The following RSF1 variants were observed in gnomAD, a reference collection of about 807,000 sequenced individuals.
RSF1 encodes HBV pX-associated protein 8.
In RSF1, 13 loss-of-function variants were observed where a neutral mutation model predicts 145.2. The ratio of observed to expected loss-of-function variants is 0.09; its 90% CI spans 0.06 to 0.14. The LOEUF is 0.14. RSF1 is among the 10% of genes least tolerant of loss of function. RSF1 has a pLI of 1.00. For missense variants in RSF1, 1,517 were observed against 1,718.2 expected (o/e 0.88, Z 2.07); for synonymous variants, 577 against 592.6 (o/e 0.97, Z 0.38).
intron 15 of RSF1, among the ~76,000 whole-genome samples, chr11:77,668,892 TG>T (rs1959444738): frequency 7.2e-6 from 1 of 138,336 alleles, no homozygotes; most frequent in African/African-American, 2.7e-5. Context: ...TCTCACAACT[TG>T]GCATGCCATC....
intron 5 of RSF1, among the ~76,000 whole-genome samples, chr11:77,722,416 A>G (rs2135882754): frequency 6.6e-6 from 1 of 152,320 alleles, no homozygotes. Flanking sequence ...AACCAGCAGT[A>G]TCAGCATTAC....
At chr11:77,776,325 T>C (rs1335600670) in intron 1 of RSF1, among the ~76,000 whole-genome samples, 1 of 152,242 alleles carries the variant, frequency 6.6e-6, no homozygotes, top group African/African-American at 2.4e-5. Flanking sequence ...AGATGTTTCT[T>C]TTATAGAAAA....
In RSF1 at chr11:77,740,951, TA is replaced by T; in HGVS notation, c.373-16del. ...TCACAGAGGTACTGAAAAATAGTCA[TA>T]ACATGACTTAAAATACCTCACAAAT... On this transcript the variant is annotated splice_polypyrimidine_tract_variant and intron_variant, in intron 3 of 15. Coordinates refer to ENST00000308488, the MANE Select transcript of RSF1 (RefSeq NM_016578.4). The T allele has an allele frequency of 1.3e-6, 2 of 1,568,512 alleles. No individual in the cohort carries two copies. Among genetic ancestry groups the T allele is most frequent in the Non-Finnish European group, 1.8e-6 (2 of 1,140,358 alleles).
intron 2 of RSF1, among the ~76,000 whole-genome samples, chr11:77,754,135 G>A (rs1948092547): frequency 6.6e-6 from 1 of 152,088 alleles, no homozygotes; most frequent in South Asian, 2.1e-4. Context: ...GCATTGATTG[G>A]GTAGTTCTAC....
intron 1 of RSF1, among the ~76,000 whole-genome samples, chr11:77,771,414 C>T (rs1189764553): frequency 6.6e-6 from 1 of 152,094 alleles, no homozygotes; most frequent in Non-Finnish European, 1.5e-5. Context: ...AAAGGAAATG[C>T]ATGTATGAAA....
Position 77,688,368 on chromosome 11 carries a change from T to A in RSF1, c.2900+2791A>T, listed in dbSNP as rs80091592. ...TAGCTATCTACATTTCTGAGACAAATCAGCTTCAGGACATGGGAAAACTGC... is the reference window on the plus strand; with the variant it reads ...TAGCTATCTACATTTCTGAGACAAAACAGCTTCAGGACATGGGAAAACTGC... On this transcript the variant is annotated intron_variant, in intron 9 of 15. Transcript: ENST00000308488. Among the ~76,000 whole-genome samples, 211 of 152,256 alleles carry A rather than the reference T, an allele frequency of 1.4e-3. 3 individuals are homozygous for A. The East Asian group carries it at 0.029, about 21-fold the overall frequency.
At chr11:77,788,497 TAA>T (rs35227998) in intron 1 of RSF1, among the ~76,000 whole-genome samples, 45,923 of 130,624 alleles carry the variant, frequency 0.35, 7,684 homozygotes, top group Admixed American at 0.39. Context: ...GAAGACAGGT[TAA>T]AAAAAAAAAA....
At chr11:77,734,643 G>C (rs941503448) in intron 4 of RSF1, 2 of 1,485,918 alleles carry the variant, frequency 1.3e-6, no homozygotes, top group Non-Finnish European at 1.9e-6. Context: ...CACACAAATG[G>C]GGGTCATTTT....
chr11:77,870,814 A>G, the RSF1 span, among the ~76,000 whole-genome samples: 2 of 152,158 alleles, frequency 1.3e-5, no homozygotes. Context: ...ACACATATAG[A>G]TATACGTTTA....
At chr11:77,803,698 A>C (rs2135980532) in intron 1 of RSF1, among the ~76,000 whole-genome samples, 1 of 152,100 alleles carries the variant, frequency 6.6e-6, no homozygotes, top group Middle Eastern at 3.4e-3. Context: ...AGAATTGCTT[A>C]AACCTGAAGG....
At chr11:77,740,998 A>G in intron 3 of RSF1, 62 bp from the exon 4 acceptor site, 4 of 1,212,326 alleles carry the variant, frequency 3.3e-6, no homozygotes, top group South Asian at 2.5e-5. Flanking sequence ...CACAGTAAAT[A>G]TGATACAACC....
rs1419367743 is a variant in RSF1 at position 77,677,961 on chromosome 11, A to G, written c.3133+125T>C. 1.2e-5 allele frequency: 8 copies of G among 650,462 alleles called. No homozygotes were observed. The East Asian group carries it at 1.8e-4, about 15-fold the overall frequency. The allele number at this position is 650,462 out of a possible 1,614,324, so 40.3% of individuals were successfully genotyped here. On this transcript the variant is annotated intron_variant, in intron 12 of 15. Coordinates refer to ENST00000308488, the MANE Select transcript of RSF1 (RefSeq NM_016578.4). ...TTACTCTAAATCTGAGACAACTAACATCAGTACTAATCATGATACATAACG... is the reference window on the plus strand; with the variant it reads ...TTACTCTAAATCTGAGACAACTAACGTCAGTACTAATCATGATACATAACG...
chr11:77,758,696 T>A (rs757532126), intron 2 of RSF1, among the ~76,000 whole-genome samples: 10 of 152,246 alleles, frequency 6.6e-5, no homozygotes, highest in Non-Finnish European at 1.0e-4. Flanking sequence ...GGACAAATGA[T>A]GATGAACTTC....
At chr11:77,802,717 A>AT (rs1349109145) in intron 1 of RSF1, among the ~76,000 whole-genome samples, 1 of 151,996 alleles carries the variant, frequency 6.6e-6, no homozygotes, top group Non-Finnish European at 1.5e-5. Context: ...CTAATTTTGT[A>AT]TTTTTAGTAG....
intron 1 of RSF1, chr11:77,813,779 C>T (rs540715662): frequency 2.3e-5 from 6 of 260,414 alleles, no homozygotes; most frequent in South Asian, 9.6e-5. Flanking sequence ...CACCTACCAC[C>T]GCGACTTCCT....
At chr11:77,671,934 T>C (rs1959563820) in intron 15 of RSF1, 108 bp downstream of exon 15, 5 of 1,047,058 alleles carry the variant, frequency 4.8e-6, no homozygotes, top group Admixed American at 5.4e-5. Flanking sequence ...ATGCCTGGCC[T>C]GGTTATATGA....
intron 4 of RSF1, among the ~76,000 whole-genome samples, chr11:77,730,978 C>T (rs924280275): frequency 4.6e-5 from 7 of 152,008 alleles, no homozygotes; most frequent in African/African-American, 1.7e-4. Context: ...TGGGGCGTTG[C>T]TGAAAAGGTA....
chr11:77,735,068 G>A (rs1036563512), intron 4 of RSF1: 22 of 1,165,746 alleles, frequency 1.9e-5, no homozygotes, highest in Admixed American at 1.6e-4. Flanking sequence ...CAGTGGCTGC[G>A]TGGCGCTGGG....
intron 3 of RSF1, 60 bp from the exon 4 acceptor site, chr11:77,740,996 A>G (rs902990087): frequency 7.2e-5 from 88 of 1,226,422 alleles, no homozygotes; most frequent in Middle Eastern, 4.2e-4. Flanking sequence ...ATCACAGTAA[A>G]TATGATACAA....
Sources: allele counts gnomAD v4.1 joint callset (sites outside exome capture counted in the v4.1 genomes callset), GRCh38; gene constraint gnomAD v4.1.1; transcripts MANE v1.5; gene names NCBI Gene and HGNC (gene_info 2026-07-23, HGNC 2026-07-21).